The following GLRA1 variants were observed in gnomAD, a reference collection of about 807,000 sequenced individuals.
The protein encoded by GLRA1 is glycine receptor subunit alpha-1.
A neutral mutation model predicts 48.3 loss-of-function variants in GLRA1; 37 were observed. The ratio of observed to expected loss-of-function variants is 0.77; its 90% confidence interval spans 0.59 to 1.01. The LOEUF (loss-of-function observed/expected upper bound fraction) is 1.01, where lower values mean the gene tolerates loss of function less well. Ranked by LOEUF, GLRA1 falls within the 50% of genes least tolerant of loss-of-function variation. The pLI, the probability that GLRA1 is intolerant of heterozygous loss-of-function variation, is 0.00. For missense variants in GLRA1, 427 were observed against 571.0 expected (o/e 0.75, Z 2.57); for synonymous variants, 196 against 210.7 (o/e 0.93, Z 0.60).
chr5:151,911,600 G>T lies in GLRA1; in HGVS notation c.56+12894C>A, dbSNP rs983623428. On this transcript the variant is annotated intron_variant, in intron 1 of 8. Coordinates refer to ENST00000274576, the MANE Select transcript of GLRA1 (RefSeq NM_000171.4). ...ATGTATGATTGATTCCCAAGCTAGA[G>T]TTTTTTTTTTTTTTTTTTTTTTTGA... 1.8e-3 allele frequency among the ~76,000 whole-genome samples: 164 copies of T among 92,354 alleles called. 1 individual carries two copies. The highest frequency in any genetic ancestry group is 6.3e-3 in the African/African-American group (143 of 22,568). The allele number at this position is 92,354 out of a possible 152,430, so 60.6% of individuals were successfully genotyped here.
intron 1 of GLRA1, among the ~76,000 whole-genome samples, chr5:151,915,345 A>G (rs1409127558): frequency 1.3e-5 from 2 of 152,292 alleles, no homozygotes; most frequent in East Asian, 3.9e-4. Context: ...AACATATAAG[A>G]TGCATTTTTT....
chr5:151,823,411 T>G (rs912415760), intron 8 of GLRA1, among the ~76,000 whole-genome samples: 1 of 152,232 alleles, frequency 6.6e-6, no homozygotes, highest in East Asian at 1.9e-4. Flanking sequence ...TAGTTAGAAA[T>G]TCAGAGGACA....
At chr5:151,920,137 G>A (rs1458511211) in intron 1 of GLRA1, among the ~76,000 whole-genome samples, 1 of 152,222 alleles carries the variant, frequency 6.6e-6, no homozygotes, top group Non-Finnish European at 1.5e-5. Context: ...CAAGTTCCTG[G>A]TGAAGAAATG....
At chr5:151,847,261 T>C (rs1752698339) in intron 7 of GLRA1, among the ~76,000 whole-genome samples, 1 of 152,184 alleles carries the variant, frequency 6.6e-6, no homozygotes, top group African/African-American at 2.4e-5. Context: ...TAGAGCAGAA[T>C]GTGACTCAAA....
At chr5:151,898,731 T>C (rs1248373365) in intron 1 of GLRA1, among the ~76,000 whole-genome samples, 1 of 150,370 alleles carries the variant, frequency 6.7e-6, no homozygotes, top group Non-Finnish European at 1.5e-5. Context: ...GACAGGGAGG[T>C]GGGAGGTGAA....
chr5:151,920,601 G>A (rs1754852288), intron 1 of GLRA1, among the ~76,000 whole-genome samples: 1 of 151,952 alleles, frequency 6.6e-6, no homozygotes, highest in South Asian at 2.1e-4. Context: ...AGGTTCCTAA[G>A]CCCAAAAAGG....
chr5:151,831,533 G>A (rs1763425213), intron 7 of GLRA1, among the ~76,000 whole-genome samples: 1 of 152,206 alleles, frequency 6.6e-6, no homozygotes, highest in South Asian at 2.1e-4. Context: ...AAAGCTGCCA[G>A]GAAGTTCGAA....
chr5:151,848,909 T>C (rs1182653526), intron 7 of GLRA1: 3 of 684,126 alleles, frequency 4.4e-6, no homozygotes, highest in Non-Finnish European at 8.4e-6. Flanking sequence ...ACATTCCCAC[T>C]TAAACAAAGG....
At chr5:151,824,094 CT>C (rs1763213985) in intron 8 of GLRA1, among the ~76,000 whole-genome samples, 1 of 151,296 alleles carries the variant, frequency 6.6e-6, no homozygotes, top group South Asian at 2.1e-4. Flanking sequence ...CAGAGAAAAA[CT>C]CAGTATAGGA....
intron 7 of GLRA1, among the ~76,000 whole-genome samples, chr5:151,833,185 C>T (rs1763470598): frequency 1.3e-5 from 2 of 152,212 alleles, no homozygotes. Flanking sequence ...GTACCAGCCA[C>T]TGCAAAAACA....
At chr5:151,913,063 C>T (rs1361384124) in intron 1 of GLRA1, among the ~76,000 whole-genome samples, 1 of 152,150 alleles carries the variant, frequency 6.6e-6, no homozygotes, top group African/African-American at 2.4e-5. Flanking sequence ...GGAAATGATG[C>T]TAGAGATGGG....
Position 151,822,942 on chromosome 5 carries a change from G to T in GLRA1, c.1081C>A (p.Arg361Ser). 1 of 1,608,780 alleles carries T rather than the reference G, an allele frequency of 6.2e-7. No individual in the cohort carries two copies. The highest frequency in any genetic ancestry group is 1.3e-5 in the African/African-American group (1 of 74,808). Reference protein sequence around the residue: ...HHKEDEAGEGRFNFSAYGMGP... With the variant: ...HHKEDEAGEGSFNFSAYGMGP... ...ATCCCATAGGCAGAGAAGTTAAAGCGGCCTTCTCCAGCTTCATCCTCCTGG... is the reference window on the plus strand; with the variant it reads ...ATCCCATAGGCAGAGAAGTTAAAGCTGCCTTCTCCAGCTTCATCCTCCTGG... The change falls in exon 9 of 9, where the codon CGC becomes AGC. Residue 361 changes from arginine to serine, a missense_variant. Coordinates refer to ENST00000274576, the MANE Select transcript of GLRA1 (RefSeq NM_000171.4).
intron 7 of GLRA1, among the ~76,000 whole-genome samples, chr5:151,844,621 C>CAAAAAAAAAAAAAAAA (rs202218874): frequency 1.8e-4 from 9 of 49,616 alleles, no homozygotes; most frequent in East Asian, 6.2e-4. Flanking sequence ...TACTCTATCT[C>CAAAAAAAAAAAAAAAA]AAAAAAAAAA....
chr5:151,847,268 C>G (rs1752698792), intron 7 of GLRA1, among the ~76,000 whole-genome samples: 1 of 152,016 alleles, frequency 6.6e-6, no homozygotes, highest in Admixed American at 6.5e-5. Flanking sequence ...GAATGTGACT[C>G]AAACAATAAT....
chr5:151,829,852 C>G (rs1484028701), intron 7 of GLRA1, among the ~76,000 whole-genome samples: 3 of 152,182 alleles, frequency 2.0e-5, no homozygotes, highest in Admixed American at 6.5e-5. Context: ...TGGCCTCTTT[C>G]ACTTAGCATA....
chr5:151,822,860 CTGT>C lies in GLRA1; in HGVS notation c.1160_1162del (p.Asn387del), dbSNP rs1433657705. On this transcript the variant is annotated inframe_deletion, in exon 9 of 9. Coordinates refer to ENST00000274576, the MANE Select transcript of GLRA1 (RefSeq NM_000171.4). ...TGCAGGAGGGGGGTTGGTGGTGTTA[CTGT>C]TGTTGGCGCCCTTGACTGAGATGCC... 3.1e-6 allele frequency: 5 copies of C among 1,613,970 alleles called. No individual in the cohort carries two copies. The Admixed American group carries it at 5.0e-5, about 16-fold the overall frequency.
intron 7 of GLRA1, among the ~76,000 whole-genome samples, chr5:151,847,643 C>A (rs1331655171): frequency 6.6e-6 from 1 of 151,532 alleles, no homozygotes. Flanking sequence ...CGCTTGAACC[C>A]GGGAGGTGGA....
intron 3 of GLRA1, among the ~76,000 whole-genome samples, chr5:151,878,349 C>G (rs775815495): frequency 6.6e-6 from 1 of 152,120 alleles, no homozygotes; most frequent in East Asian, 1.9e-4. Context: ...TAAAGGCACT[C>G]GGTTTTATAA....
At chr5:151,907,073 A>G (rs1754489211) in intron 1 of GLRA1, among the ~76,000 whole-genome samples, 1 of 152,164 alleles carries the variant, frequency 6.6e-6, no homozygotes, top group South Asian at 2.1e-4. Flanking sequence ...ACAGCTGAGG[A>G]GTGGGCTGGA....
Sources: allele counts gnomAD v4.1 joint callset (sites outside exome capture counted in the v4.1 genomes callset), GRCh38; gene constraint gnomAD v4.1.1; transcripts MANE v1.5; gene names NCBI Gene and HGNC (gene_info 2026-07-23, HGNC 2026-07-21).